The following COBL variants were observed in gnomAD, a reference collection of about 807,000 sequenced individuals.
COBL encodes the protein cordon-bleu WH2 repeat protein, also known as protein cordon-bleu.
In COBL, 51 loss-of-function variants were observed where a neutral mutation model predicts 98.8. The ratio of observed to expected loss-of-function variants is 0.52; its 90% CI spans 0.41 to 0.65. COBL has a LOEUF of 0.65. Ranked by LOEUF, COBL falls within the 30% of genes least tolerant of loss-of-function variation. COBL has a pLI of 0.00. For missense variants in COBL, 1,617 were observed against 1,617.5 expected, an observed-to-expected ratio of 1.00 and a Z score of 0.01; for synonymous variants, 634 against 651.7, an observed-to-expected ratio of 0.97 and a Z score of 0.41.
intron 7 of COBL, among the ~76,000 whole-genome samples, 176 bp from the exon 8 acceptor site, chr7:51,043,868 A>G (rs1267032044): frequency 6.6e-6 from 1 of 152,216 alleles, no homozygotes; most frequent in East Asian, 1.9e-4. Flanking sequence ...TTTAACTCAC[A>G]GGGAGTCATT....
At chr7:51,150,539 A>G (rs1785462243) in intron 5 of COBL, among the ~76,000 whole-genome samples, 1 of 152,228 alleles carries the variant, frequency 6.6e-6, no homozygotes, top group Non-Finnish European at 1.5e-5. Context: ...ATTGTCCTCA[A>G]CATAAATGGC....
chr7:51,085,417 G>T, intron 6 of COBL, 113 bp from the exon 7 acceptor site: 1 of 1,200,072 alleles, frequency 8.3e-7, no homozygotes, highest in South Asian at 1.5e-5. Context: ...GGAAGGTGGT[G>T]CTCCAGGAGG....
intron 4 of COBL, among the ~76,000 whole-genome samples, chr7:51,189,478 A>C (rs1237531448): frequency 6.6e-6 from 1 of 152,160 alleles, no homozygotes; most frequent in African/African-American, 2.4e-5. Flanking sequence ...TACTAAAAAC[A>C]CAAAAATTAG....
At chr7:51,292,977 A>G (rs1801051282) in intron 1 of COBL, among the ~76,000 whole-genome samples, 1 of 152,252 alleles carries the variant, frequency 6.6e-6, no homozygotes, top group African/African-American at 2.4e-5. Flanking sequence ...GTTACTAAAC[A>G]CATGTGATGC....
intron 12 of COBL, among the ~76,000 whole-genome samples, chr7:51,021,438 C>A (rs1318705229): frequency 6.6e-6 from 1 of 152,122 alleles, no homozygotes; most frequent in Non-Finnish European, 1.5e-5. Flanking sequence ...TCAAACAATC[C>A]TCCTACCTTC....
chr7:51,074,199 T>C (rs944602594), intron 7 of COBL, among the ~76,000 whole-genome samples: 1 of 144,262 alleles, frequency 6.9e-6, no homozygotes, highest in African/African-American at 2.6e-5. Flanking sequence ...TGATTTTTTT[T>C]TTTTTTTTTT....
chr7:51,160,029 A>G (rs1786630942), intron 5 of COBL, among the ~76,000 whole-genome samples: 1 of 152,084 alleles, frequency 6.6e-6, no homozygotes, highest in Admixed American at 6.5e-5. Context: ...AGTAGCTGGG[A>G]CTACAGACAC....
intron 1 of COBL, among the ~76,000 whole-genome samples, chr7:51,220,250 G>A (rs77918556): frequency 1.1e-4 from 17 of 152,206 alleles, no homozygotes; most frequent in East Asian, 5.8e-4. Context: ...GGTTTCGCCC[G>A]ACCCTTTCTG....
chr7:51,028,630 G>T lies in COBL; in HGVS notation c.2466C>A (p.His822Gln), dbSNP rs370819886. Residue 822 changes from histidine (H) to glutamine (Q), a missense_variant, in exon 10 of 13, where the codon CAC becomes CAA. Around this residue, in one of 3 missense-constraint regions of COBL, gnomAD observed 1,304 missense variants for 1,282.0 expected, o/e 1.02. Transcript: ENST00000265136. ...KPISPQQKSA[H>Q]HEGRNPLGEG... ...CCCCTAGGGGGTTCCGGCCCTCATG[G>T]TGGGCAGACTTCTGCTGGGGCGATA... The T allele has an allele frequency of 6.2e-7, 1 of 1,613,458 alleles. No homozygotes were observed. The highest frequency in any genetic ancestry group is 1.3e-5 in the African/African-American group (1 of 74,902).
At chr7:51,237,346 AT>A (rs1187254677) in intron 1 of COBL, among the ~76,000 whole-genome samples, 1 of 152,198 alleles carries the variant, frequency 6.6e-6, no homozygotes, top group Non-Finnish European at 1.5e-5. Context: ...CCTCATAATA[AT>A]TTGTCCATAG....
intron 7 of COBL, among the ~76,000 whole-genome samples, chr7:51,068,175 T>C (rs1001274916): frequency 6.6e-6 from 1 of 152,218 alleles, no homozygotes; most frequent in Non-Finnish European, 1.5e-5. Context: ...CATGCTTCTT[T>C]AGCAGAAGAA....
chr7:51,282,487 T>C (rs966804672), intron 1 of COBL, among the ~76,000 whole-genome samples: 2 of 151,944 alleles, frequency 1.3e-5, no homozygotes, highest in African/African-American at 4.8e-5. Context: ...AAGAGAGACA[T>C]TACATAAAAG....
At chr7:51,294,643 C>CAAAAA (rs3047621) in intron 1 of COBL, among the ~76,000 whole-genome samples, 1 of 80,572 alleles carries the variant, frequency 1.2e-5, no homozygotes, top group Non-Finnish European at 2.3e-5. Context: ...AACTCCATCT[C>CAAAAA]AAAAAAAAAA....
chr7:51,295,118 C>T (rs2129193671), intron 1 of COBL, among the ~76,000 whole-genome samples: 1 of 152,100 alleles, frequency 6.6e-6, no homozygotes, highest in South Asian at 2.1e-4. Context: ...GAAACCCCAT[C>T]TCTACAAAAA....
chr7:51,269,858 A>G (rs943503003), intron 1 of COBL, among the ~76,000 whole-genome samples: 1 of 152,228 alleles, frequency 6.6e-6, no homozygotes, highest in Non-Finnish European at 1.5e-5. Context: ...CTCTGTCTCC[A>G]GACTGAGGAC....
chr7:51,251,629 CAG>C (rs1256625642), intron 1 of COBL, among the ~76,000 whole-genome samples: 2 of 152,224 alleles, frequency 1.3e-5, no homozygotes, highest in African/African-American at 4.8e-5. Flanking sequence ...CTCTATCCTT[CAG>C]AGATTATTGC....
chr7:51,192,598 C>T (rs919598184), intron 3 of COBL, among the ~76,000 whole-genome samples: 2 of 152,104 alleles, frequency 1.3e-5, no homozygotes, highest in Admixed American at 1.3e-4. Flanking sequence ...AAGAGTGAAG[C>T]TCCGTCTCAA....
At chr7:51,049,479 C>T (rs1790031249) in intron 7 of COBL, among the ~76,000 whole-genome samples, 1 of 152,138 alleles carries the variant, frequency 6.6e-6, no homozygotes, top group Admixed American at 6.6e-5. Flanking sequence ...AGTGGATTCC[C>T]TTGGAAAGTC....
intron 6 of COBL, among the ~76,000 whole-genome samples, chr7:51,115,093 G>C (rs138404333): frequency 6.6e-6 from 1 of 152,266 alleles, no homozygotes; most frequent in African/African-American, 2.4e-5. Context: ...TTGGTAAAAA[G>C]TTCACATTTC....
Sources: gnomAD v4.1 joint callset for allele counts (sites outside exome capture counted in the v4.1 genomes callset) on GRCh38, gnomAD v4.1.1 for gene constraint, gnomAD v4.1.1 regional missense constraint, MANE v1.5 for transcripts, NCBI Gene and HGNC (gene_info 2026-07-23, HGNC 2026-07-21) for gene names.